HDAC1: variants seen among roughly 807,000 people sequenced by gnomAD.
HDAC1 encodes protein deacetylase HDAC1.
HDAC1 carries 18 observed loss-of-function variants against 65.5 expected under a neutral mutation model. The observed-to-expected ratio is 0.27, with a 90% confidence interval of 0.19 to 0.41. The LOEUF (loss-of-function observed/expected upper bound fraction) is 0.41, where lower values mean the gene tolerates loss of function less well. HDAC1 is among the 10% of genes least tolerant of loss of function. The pLI is 1.00. For synonymous variants in HDAC1, 211 were observed against 227.9 expected, an observed-to-expected ratio of 0.93 and a Z score of 0.67; for missense variants, 373 against 625.2, an observed-to-expected ratio of 0.60 and a Z score of 4.30.
At chr1:32,316,007 G>T (rs1174931297) in intron 2 of HDAC1, among the ~76,000 whole-genome samples, 3 of 151,218 alleles carry the variant, frequency 2.0e-5, no homozygotes, top group Non-Finnish European at 4.4e-5. Context: ...AAAAGGTCGG[G>T]CTTGGTGGCT....
At position 32,333,197 on chromosome 1, in the gene HDAC1, G is replaced by A; in HGVS notation, c.*153G>A. 1.6e-6 allele frequency: 1 copy of A among 611,478 alleles called. No homozygotes were observed. Among genetic ancestry groups the A allele is most frequent in the Non-Finnish European group, 2.7e-6 (1 of 367,086 alleles). The allele number at this position is 611,478 out of a possible 1,614,324, so 37.9% of individuals were successfully genotyped here. ...CAGAAACCAAGGCCCCGAGCTCAGG[G>A]CAGCTGTGCTGGGTGAGCTCTTCCA... is the stretch of plus-strand genomic sequence containing the variant. On this transcript the variant is annotated 3_prime_UTR_variant, in exon 14 of 14. Transcript: ENST00000373548.
intron 3 of HDAC1, among the ~76,000 whole-genome samples, chr1:32,320,180 A>G (rs1641120660): frequency 6.6e-6 from 1 of 151,732 alleles, no homozygotes; most frequent in African/African-American, 2.4e-5. Flanking sequence ...AGATCACGCC[A>G]CTGTACTCCA....
intron 3 of HDAC1, among the ~76,000 whole-genome samples, chr1:32,320,719 G>C (rs10465522): frequency 0.04 from 6,050 of 151,628 alleles, 378 homozygotes; most frequent in African/African-American, 0.14. Flanking sequence ...GGCCAGCGTG[G>C]TGAAACCCTG....
intron 2 of HDAC1, among the ~76,000 whole-genome samples, chr1:32,303,564 C>T (rs957830414): frequency 2.6e-5 from 4 of 152,136 alleles, no homozygotes; most frequent in Non-Finnish European, 2.9e-5. Flanking sequence ...AGAGTATAGA[C>T]GGTCTAACCT....
chr1:32,316,723 A>C lies in HDAC1; in HGVS notation c.221A>C (p.Lys74Thr). ...AAGTACCACAGCGATGACTACATTA[A>C]ATTCTTGCGCTCCATCCGTCCAGAT... is the stretch of plus-strand genomic sequence containing the variant. The part of the protein sequence containing the change: ...MTKYHSDDYI[K>T]FLRSIRPDNM... Residue 74 changes from lysine to threonine, a missense_variant, in exon 3 of 14, where the codon AAA (lysine) becomes ACA (threonine). Lys to Thr is a moderately conservative substitution (Grantham distance 78). Coordinates refer to ENST00000373548, the MANE Select transcript of HDAC1 (RefSeq NM_004964.3). The C allele has an allele frequency of 1.9e-6, 3 of 1,614,056 alleles. No individual in the cohort carries two copies. The highest frequency in any genetic ancestry group is 2.5e-6 in the Non-Finnish European group (3 of 1,179,970).
At position 32,318,042 on chromosome 1, in the gene HDAC1, C is replaced by T. The variant is rs114193590; in HGVS notation, c.280+1260C>T. ...TGGGGCGATCTCTACTCACCACAAC[C>T]TCCGTCTCCCGGCTTCAAGCGATTA... On this transcript the variant is annotated intron_variant, in intron 3 of 13. Transcript: ENST00000373548. 8.3e-3 allele frequency among the ~76,000 whole-genome samples: 1,268 copies of T among 152,334 alleles called. 12 individuals are homozygous for T. Among genetic ancestry groups the T allele is most frequent in the Non-Finnish European group, 0.014 (952 of 68,026 alleles).
chr1:32,329,211 G>C lies in HDAC1; in HGVS notation c.729+51G>C, dbSNP rs1350292347. 9.2e-7 allele frequency: 1 copy of C among 1,082,356 alleles called. No homozygotes were observed. Among genetic ancestry groups the C allele is most frequent in the Non-Finnish European group, 1.4e-6 (1 of 694,594 alleles). The allele number at this position is 1,082,356 out of a possible 1,614,324, so 67.0% of individuals were successfully genotyped here. On this transcript the variant is annotated intron_variant, in intron 7 of 13. Transcript: ENST00000373548. The surrounding 1 kb of genome is among the most constrained non-coding windows in gnomAD (Gnocchi z 4.1). Reference sequence around the variant, plus strand: ...GCTACAAACAGGGGATTGGTTGGCGGTGGAGGGGAGCAAAGCACCCCCACC... The same window carrying C: ...GCTACAAACAGGGGATTGGTTGGCGCTGGAGGGGAGCAAAGCACCCCCACC...
chr1:32,332,583 TTCTC>T (rs1297984150), intron 12 of HDAC1, 114 bp from the exon 13 acceptor site: 2 of 767,612 alleles, frequency 2.6e-6, no homozygotes, highest in Admixed American at 5.0e-5. Flanking sequence ...GGATGGGCTT[TTCTC>T]TCTTTATGTC....
intron 1 of HDAC1, among the ~76,000 whole-genome samples, chr1:32,298,720 T>C (rs1252230884): frequency 6.6e-6 from 1 of 151,868 alleles, no homozygotes; most frequent in East Asian, 1.9e-4. Context: ...AAAGTATGGC[T>C]GGCGCCATGG....
chr1:32,301,042 A>G (rs1399073382), intron 1 of HDAC1, among the ~76,000 whole-genome samples: 1 of 152,118 alleles, frequency 6.6e-6, no homozygotes, highest in Non-Finnish European at 1.5e-5. Context: ...AGTCTAGAGC[A>G]AAGAGAGAGA....
At chr1:32,292,240 G>C (rs748153026) in intron 1 of HDAC1, 22 bp downstream of exon 1, 2 of 1,547,956 alleles carry the variant, frequency 1.3e-6, no homozygotes, top group South Asian at 1.2e-5. Context: ...CCTCGCGGCG[G>C]GGGCGGGGCC....
At position 32,329,286 on chromosome 1, in the gene HDAC1, TTGAA is replaced by T; in HGVS notation, c.729+127_729+130del. The T allele has an allele frequency of 1.4e-6, 1 of 711,682 alleles. No individual in the cohort carries two copies. Among genetic ancestry groups the T allele is most frequent in the Non-Finnish European group, 2.6e-6 (1 of 388,562 alleles). The allele number at this position is 711,682 out of a possible 1,614,324, so 44.1% of individuals were successfully genotyped here. ...AAAGCTGGTGGGGAGATAGAAGTGT[TTGAA>T]CCCTGGATTGCTGTGTGGTCAGTTA... On this transcript the variant is annotated intron_variant, in intron 7 of 13. Coordinates refer to ENST00000373548, the MANE Select transcript of HDAC1 (RefSeq NM_004964.3). The surrounding 1 kb of genome is among the most constrained non-coding windows in gnomAD (Gnocchi z 4.1).
In HDAC1 at chr1:32,292,923, G is replaced by A. The variant is rs1233295965; in HGVS notation, c.49+705G>A. Among the ~76,000 whole-genome samples the A allele has an allele frequency of 2.6e-5, 4 of 152,160 alleles. 1 individual carries two copies. Among genetic ancestry groups the A allele is most frequent in the Admixed American group, 2.0e-4 (3 of 15,264 alleles). Reference sequence around the variant, plus strand: ...CACCTGAGGAGTCAGCGAAGGAGGGGACATCTTAGTTAGGACCTGAAGAAC... The same window carrying A: ...CACCTGAGGAGTCAGCGAAGGAGGGAACATCTTAGTTAGGACCTGAAGAAC... On this transcript the variant is annotated intron_variant, in intron 1 of 13. Coordinates refer to ENST00000373548, the MANE Select transcript of HDAC1 (RefSeq NM_004964.3).
intron 1 of HDAC1, among the ~76,000 whole-genome samples, chr1:32,296,964 A>G (rs1318888654): frequency 6.6e-6 from 1 of 152,116 alleles, no homozygotes; most frequent in African/African-American, 2.4e-5. Context: ...AATGGAGGTA[A>G]GTTTGAAGAG....
chr1:32,294,372 C>T (rs1406323875), intron 1 of HDAC1, among the ~76,000 whole-genome samples: 1 of 152,030 alleles, frequency 6.6e-6, no homozygotes, highest in Non-Finnish European at 1.5e-5. Flanking sequence ...TGGTCTCAAA[C>T]TGACCTCCAG....
intron 1 of HDAC1, 109 bp from the exon 2 acceptor site, chr1:32,302,512 G>A: frequency 9.6e-6 from 5 of 521,854 alleles, no homozygotes; most frequent in Non-Finnish European, 1.5e-5. Flanking sequence ...TTGGAAACTA[G>A]AAATGAGCCA....
In HDAC1 at chr1:32,327,828, C is replaced by T. The variant is rs968430492; in HGVS notation, c.636+151C>T. 7.2e-5 allele frequency: 51 copies of T among 704,520 alleles called. No individual in the cohort carries two copies. Among genetic ancestry groups the T allele is most frequent in the Non-Finnish European group, 1.0e-5 (4 of 390,992 alleles). The allele number at this position is 704,520 out of a possible 1,614,324, so 43.6% of individuals were successfully genotyped here. A position where few individuals can be genotyped will look rare whatever the true frequency, so the allele number is the denominator to read the frequency against. ...TGAAGCACTTGCCCTGATCTCTTTC[C>T]CTTCCTTATTCTGGAGGAAGGGAAT... is the stretch of plus-strand genomic sequence containing the variant. On this transcript the variant is annotated intron_variant, in intron 6 of 13. Transcript: ENST00000373548. This position sits in a 1 kb window ranked among gnomAD's most constrained non-coding sequence, Gnocchi z 6.0.
At chr1:32,295,195 C>T (rs1441074473) in intron 1 of HDAC1, among the ~76,000 whole-genome samples, 1 of 152,144 alleles carries the variant, frequency 6.6e-6, no homozygotes, top group Non-Finnish European at 1.5e-5. Flanking sequence ...GGATGGTTCT[C>T]TTGAGCCCAG....
chr1:32,333,040 C>T lies in HDAC1; in HGVS notation c.1445C>T (p.Ala482Val), dbSNP rs758283679. The change falls in exon 14 of 14, where the codon GCC becomes GTC. Residue 482 changes from alanine to valine, a missense_variant. This residue lies in a region of HDAC1 where 126 missense variants were observed against 126.2 expected (regional missense o/e 1.00). Coordinates refer to ENST00000373548, the MANE Select transcript of HDAC1 (RefSeq NM_004964.3). ...AGGGTCAAGGAGGAGGTCAAGTTGG[C>T]CTGAATGGACCTCTCCAGCTCTGGC... Reference protein sequence around the residue: ...AKGVKEEVKLA With the variant: ...AKGVKEEVKLV The T allele has an allele frequency of 1.2e-6, 2 of 1,613,514 alleles. No individual in the cohort carries two copies. The highest frequency in any genetic ancestry group is 2.2e-5 in the East Asian group (1 of 44,890).
Sources: gnomAD v4.1 joint callset for allele counts (sites outside exome capture counted in the v4.1 genomes callset) on GRCh38, gnomAD v4.1.1 for gene constraint, gnomAD v4.1.1 regional missense constraint, Gnocchi (gnomAD v3.1) non-coding constraint, MANE v1.5 for transcripts, NCBI Gene and HGNC (gene_info 2026-07-23, HGNC 2026-07-21) for gene names.